The following TMC2 variants were observed in gnomAD, a reference collection of about 807,000 sequenced individuals.
The protein encoded by TMC2 is transmembrane channel like 2, also known as transmembrane channel-like protein 2.
A neutral mutation model predicts 105.9 loss-of-function variants in TMC2; 102 were observed. The observed-to-expected ratio is 0.96, with a 90% CI of 0.82 to 1.14. TMC2 has a LOEUF of 1.14. TMC2 is among the 50% of genes most tolerant of loss of function. The pLI is 0.00. For synonymous variants in TMC2, 402 were observed against 422.8 expected (o/e 0.95, Z 0.60); for missense variants, 1,093 against 1,134.3 (o/e 0.96, Z 0.52).
intron 10 of TMC2, among the ~76,000 whole-genome samples, chr20:2,599,199 C>T (rs2086331497): frequency 6.7e-6 from 1 of 149,544 alleles, no homozygotes; most frequent in South Asian, 2.1e-4. Flanking sequence ...ATCCAAAAGA[C>T]AGAAGTTGCG....
rs529839186 is a variant in TMC2, at chr20:2,559,147, C to G, written c.401+373C>G. On this transcript the variant is annotated intron_variant, in intron 3 of 19. Transcript: ENST00000358864. ...CTCCAGCTGGTGACTCACCCCGGCT[C>G]TCGAAGAGGAGGAGCTGAGCGACAT... Among the ~76,000 whole-genome samples the G allele has an allele frequency of 5.9e-5, 9 of 152,292 alleles. No homozygotes were observed. In the East Asian group the frequency reaches 1.7e-3, roughly 29 times the overall value.
At chr20:2,636,103 C>A (rs1568532657) in intron 18 of TMC2, 99 bp downstream of exon 18, 11 of 1,021,418 alleles carry the variant, frequency 1.1e-5, no homozygotes, top group Admixed American at 5.7e-5. Flanking sequence ...ATCTAAATGG[C>A]TTTCTTCTAA....
chr20:2,633,768 G>GGT (rs1555777919), intron 17 of TMC2, among the ~76,000 whole-genome samples: 3 of 146,004 alleles, frequency 2.1e-5, no homozygotes, highest in African/African-American at 5.0e-5. Flanking sequence ...CTGGGTAGGG[G>GGT]AGGGGATATA....
At chr20:2,546,149 C>T (rs1050425356) in intron 2 of TMC2, among the ~76,000 whole-genome samples, 6 of 152,102 alleles carry the variant, frequency 3.9e-5, no homozygotes, top group Admixed American at 3.9e-4. Context: ...TTGGATTTCT[C>T]CCCACCTGAC....
chr20:2,579,393 T>A (rs1466311437), intron 6 of TMC2, among the ~76,000 whole-genome samples, 166 bp downstream of exon 6: 1 of 136,186 alleles, frequency 7.3e-6, no homozygotes, highest in Non-Finnish European at 1.5e-5. Context: ...TTTTTATTTA[T>A]TTATTTATTT....
At chr20:2,600,568 A>C (rs1600122895) in intron 10 of TMC2, among the ~76,000 whole-genome samples, 2 of 152,204 alleles carry the variant, frequency 1.3e-5, no homozygotes, top group South Asian at 4.2e-4. Context: ...CACGCCTGTA[A>C]TCCCAGAACT....
chr20:2,624,234 T>G lies in TMC2; in HGVS notation c.2181-37T>G, dbSNP rs376814580. 1.0e-5 allele frequency: 16 copies of G among 1,603,194 alleles called. No homozygotes were observed. The South Asian group carries it at 1.8e-4, about 18-fold the overall frequency. On this transcript the variant is annotated intron_variant, in intron 16 of 19. Transcript: ENST00000358864. ...CACAGCTGTGAATGCCACAGGCACA[T>G]GGCAGCATGTTATATTGTGTCCTCT... is the stretch of plus-strand genomic sequence containing the variant.
intron 4 of TMC2, among the ~76,000 whole-genome samples, chr20:2,562,402 T>C (rs772237913): frequency 2.0e-5 from 3 of 152,218 alleles, no homozygotes; most frequent in Non-Finnish European, 4.4e-5. Context: ...GAGCACCCAG[T>C]GTCTCTCCAT....
At chr20:2,598,216 T>A (rs1385535650) in intron 10 of TMC2, among the ~76,000 whole-genome samples, 1 of 144,526 alleles carries the variant, frequency 6.9e-6, no homozygotes, top group Admixed American at 6.9e-5. Context: ...AAAAAAGAAT[T>A]TGAACTTGGT....
intron 5 of TMC2, among the ~76,000 whole-genome samples, chr20:2,577,159 C>T (rs369940041): frequency 6.6e-6 from 1 of 152,036 alleles, no homozygotes; most frequent in South Asian, 2.1e-4. Flanking sequence ...CCACCTGCCT[C>T]GATCTCCCAA....
rs142084129 is a variant in TMC2, at chr20:2,609,919, C to G, written c.1414-500C>G. ...CTGGAGTGCAGTGGTGCAATCTCGC[C>G]TCACTGTAACCTCCGCCTCCAGGGT... On this transcript the variant is annotated intron_variant, in intron 11 of 19. Coordinates refer to ENST00000358864, the MANE Select transcript of TMC2 (RefSeq NM_080751.3). Among the ~76,000 whole-genome samples the G allele has an allele frequency of 7.4e-3, 1,125 of 152,320 alleles. 8 individuals carry two copies. Among genetic ancestry groups the G allele is most frequent in the African/African-American group, 0.026 (1,072 of 41,560 alleles).
chr20:2,568,525 G>A (rs997396632), intron 4 of TMC2, among the ~76,000 whole-genome samples: 3 of 152,148 alleles, frequency 2.0e-5, no homozygotes, highest in Admixed American at 6.5e-5. Context: ...TTGCTGCTGG[G>A]CTCAATGACT....
chr20:2,607,817 G>A (rs187891443), intron 11 of TMC2, among the ~76,000 whole-genome samples: 159 of 152,036 alleles, frequency 1.0e-3, no homozygotes, highest in African/African-American at 3.4e-3. Context: ...ATGGGGATTC[G>A]GGAGATTCAA....
At chr20:2,620,473 T>G (rs1280731242) in intron 16 of TMC2, among the ~76,000 whole-genome samples, 1 of 152,130 alleles carries the variant, frequency 6.6e-6, no homozygotes, top group Admixed American at 6.5e-5. Context: ...ACATCAGAAG[T>G]CAGGAATAGA....
intron 4 of TMC2, among the ~76,000 whole-genome samples, chr20:2,571,347 AC>A (rs2122855050): frequency 6.6e-6 from 1 of 152,354 alleles, no homozygotes; most frequent in African/African-American, 2.4e-5. Context: ...AAGAATATGA[AC>A]AAACACTTCT....
intron 9 of TMC2, among the ~76,000 whole-genome samples, chr20:2,595,630 T>C (rs1429514963): frequency 1.3e-5 from 2 of 152,164 alleles, no homozygotes; most frequent in Admixed American, 1.3e-4. Flanking sequence ...ATTGATCGCC[T>C]TCTTCAGAAT....
chr20:2,551,867 T>TTC (rs1227917813), intron 2 of TMC2, among the ~76,000 whole-genome samples: 9 of 152,242 alleles, frequency 5.9e-5, no homozygotes, highest in Non-Finnish European at 1.2e-4. Context: ...CCATCTTGAT[T>TTC]ACTGTACCTT....
At chr20:2,556,448 G>A (rs1008441480) in intron 2 of TMC2, among the ~76,000 whole-genome samples, 2 of 152,004 alleles carry the variant, frequency 1.3e-5, no homozygotes, top group African/African-American at 2.4e-5. Context: ...GACCTATGTC[G>A]TTTTCCTTCC....
rs1378155115 is a variant in TMC2, at chr20:2,536,649, G to A, written c.28G>A (p.Glu10Lys). ...GAGCCACCAGGTAAAGGGCCTGAAA[G>A]AGGAAGGTGAGTCCACGTCCTGATC... MSHQVKGLK[E>K]EARGGVKGRV... Residue 10 changes from glutamate (E) to lysine (K), a missense_variant, in exon 1 of 20, where the codon GAG (glutamate) becomes AAG (lysine). Coordinates refer to ENST00000358864, the MANE Select transcript of TMC2 (RefSeq NM_080751.3). 6.3e-7 allele frequency: 1 copy of A among 1,575,068 alleles called. No homozygotes were observed. Among genetic ancestry groups the A allele is most frequent in the Non-Finnish European group, 8.6e-7 (1 of 1,160,296 alleles).
Sources: gnomAD v4.1 joint callset for allele counts (sites outside exome capture counted in the v4.1 genomes callset) on GRCh38, gnomAD v4.1.1 for gene constraint, MANE v1.5 for transcripts, NCBI Gene and HGNC (gene_info 2026-07-23, HGNC 2026-07-21) for gene names.